The following TMEM231 variants were observed in gnomAD, a reference collection of about 807,000 sequenced individuals.
The protein encoded by TMEM231 is transmembrane protein 231.
Under a neutral mutation model 38.5 loss-of-function variants are expected in TMEM231, and 40 were observed. The observed-to-expected ratio is 1.04, with a 90% CI of 0.81 to 1.35. The LOEUF is 1.35. Among genes scored for constraint, TMEM231 ranks in the 40% most tolerant of loss-of-function variants. The pLI is 0.00. For synonymous variants in TMEM231, 199 were observed against 181.7 expected, an observed-to-expected ratio of 1.10 and a Z score of -0.77; for missense variants, 420 against 416.9, an observed-to-expected ratio of 1.01 and a Z score of -0.07.
chr16:75,542,829 G>C (rs997754655), intron 4 of TMEM231, 146 bp from the exon 5 acceptor site: 2 of 651,482 alleles, frequency 3.1e-6, no homozygotes, highest in Non-Finnish European at 5.2e-6. Flanking sequence ...TTTCTTCAAA[G>C]ATGAATAAAA....
Position 75,541,759 on chromosome 16 carries a change from G to A in TMEM231, c.665-304C>T, listed in dbSNP as rs376951075. On this transcript the variant is annotated intron_variant, in intron 5 of 6. Coordinates refer to ENST00000258173, the MANE Select transcript of TMEM231 (RefSeq NM_001077418.3). ...GTATCACAGCTTTGTAGCTGTGTGGGGAAGTATTTATATTCCAAGTTTAAA... is the reference window on the plus strand; with the variant it reads ...GTATCACAGCTTTGTAGCTGTGTGGAGAAGTATTTATATTCCAAGTTTAAA... 18 of 191,436 alleles carry A rather than the reference G, an allele frequency of 9.4e-5. 1 individual carries two copies. In the South Asian group the frequency reaches 3.3e-3, roughly 35 times the overall value. 11.9% of individuals were successfully genotyped at this position (191,436 alleles called of 1,614,324 possible). A position where few individuals can be genotyped will look rare whatever the true frequency, so the allele number is the denominator to read the frequency against.
At chr16:75,546,201 C>G (rs2080689138) in intron 2 of TMEM231, 1 of 1,095,646 alleles carries the variant, frequency 9.1e-7, no homozygotes, top group Non-Finnish European at 1.3e-6. Context: ...TGGGCAATAA[C>G]AAAAAACATC....
intron 5 of TMEM231, chr16:75,542,006 G>C (rs1015097047): frequency 2.0e-5 from 3 of 153,684 alleles, no homozygotes; most frequent in African/African-American, 7.2e-5. Flanking sequence ...CCCCTTGTGA[G>C]ACGTCTGTGT....
chr16:75,556,202 A>T lies in TMEM231; in HGVS notation c.8T>A (p.Leu3His), dbSNP rs753292136. Residue 3 changes from leucine to histidine, a missense_variant, in exon 1 of 7, where the codon CTC becomes CAC. Coordinates refer to ENST00000258173, the MANE Select transcript of TMEM231 (RefSeq NM_001077418.3). MA[L>H]YELFSHPVER... is the part of the protein sequence containing the mutation. ...GACCGGGTGAGAGAAGAGCTCATAG[A>T]GCGCCATGAGCACCGCTCGCAGGCA... 18 of 1,458,724 alleles carry T rather than the reference A, an allele frequency of 1.2e-5. No individual in the cohort carries two copies. In the Admixed American group the frequency reaches 1.8e-4, roughly 15 times the overall value. The allele number at this position is 1,458,724 out of a possible 1,614,324, so 90.4% of individuals were successfully genotyped here. A position where few individuals can be genotyped will look rare whatever the true frequency, so the allele number is the denominator to read the frequency against.
Position 75,545,819 on chromosome 16 carries a change from G to A in TMEM231, c.438+7C>T. 1.8e-6 allele frequency: 2 copies of A among 1,136,874 alleles called. No homozygotes were observed. The highest frequency in any genetic ancestry group is 5.3e-5 in the East Asian group (2 of 37,756). The allele number at this position is 1,136,874 out of a possible 1,614,324, so 70.4% of individuals were successfully genotyped here. A position where few individuals can be genotyped will look rare whatever the true frequency, so the allele number is the denominator to read the frequency against. ...GGAGAGGACAGCCTCCCAGCGGACT[G>A]ACTCACGTGTAATCGATAGGAGAAA... is the stretch of plus-strand genomic sequence containing the variant. On this transcript the variant is annotated splice_region_variant and intron_variant, in intron 3 of 6. Transcript: ENST00000258173.
At chr16:75,553,622 A>C (rs1228912760) in intron 2 of TMEM231, among the ~76,000 whole-genome samples, 4 of 69,998 alleles carry the variant, frequency 5.7e-5, no homozygotes, top group East Asian at 9.2e-4. Context: ...ACTCTGTTGC[A>C]AAAAAAAAAA....
At chr16:75,552,508 C>T (rs975340279) in intron 2 of TMEM231, among the ~76,000 whole-genome samples, 1 of 152,112 alleles carries the variant, frequency 6.6e-6, no homozygotes, top group Non-Finnish European at 1.5e-5. Flanking sequence ...AGCCATTGGT[C>T]TGGGCCCTTA....
In TMEM231 at chr16:75,537,497, T is replaced by TC. The variant is rs888283328; in HGVS notation, c.*2496_*2497insG. The TC allele has an allele frequency of 9.9e-5, 15 of 151,574 alleles. No individual in the cohort carries two copies. Among genetic ancestry groups the TC allele is most frequent in the Non-Finnish European group, 1.9e-4 (13 of 67,806 alleles). The allele number at this position is 151,574 out of a possible 1,614,324, so 9.4% of individuals were successfully genotyped here. Reference sequence around the variant, plus strand: ...AAAATCCTCTATATTTCTTTTTTTTTTTTTTTTTGAGACGGAGTCTAGCTC... The same window carrying TC: ...AAAATCCTCTATATTTCTTTTTTTTTCTTTTTTTTGAGACGGAGTCTAGCTC... On this transcript the variant is annotated 3_prime_UTR_variant, in exon 7 of 7. Transcript: ENST00000258173.
chr16:75,548,142 T>C (rs993859747), intron 2 of TMEM231, among the ~76,000 whole-genome samples: 3 of 152,206 alleles, frequency 2.0e-5, no homozygotes, highest in African/African-American at 7.2e-5. Flanking sequence ...CAGCAAGTAA[T>C]GGTGAAGACA....
intron 2 of TMEM231, among the ~76,000 whole-genome samples, chr16:75,547,117 G>GTTTTTCT (rs1403082805): frequency 1.3e-5 from 2 of 152,194 alleles, no homozygotes; most frequent in East Asian, 3.8e-4. Context: ...CTGCTGACAT[G>GTTTTTCT]GTCCCTCTGC....
In TMEM231 at chr16:75,556,164, G is replaced by C; in HGVS notation, c.46C>G (p.Arg16Gly). 6.5e-7 allele frequency: 1 copy of C among 1,547,046 alleles called. No individual in the cohort carries two copies. Among genetic ancestry groups the C allele is most frequent in the Non-Finnish European group, 8.7e-7 (1 of 1,149,882 alleles). The change falls in exon 1 of 7, where the codon CGC (arginine) becomes GGC (glycine). Residue 16 changes from arginine to glycine, a missense_variant. Transcript: ENST00000258173. ...GCGGCTTTGGAGCAGAGCCCCGCGC[G>C]GTAACTGCGCTCGACCGGGTGAGAG... Reference protein sequence around the residue: ...LFSHPVERSYRAGLCSKAALF... With the variant: ...LFSHPVERSYGAGLCSKAALF...
intron 6 of TMEM231, among the ~76,000 whole-genome samples, chr16:75,540,533 C>T (rs2080612137): frequency 6.6e-6 from 1 of 152,184 alleles, no homozygotes; most frequent in South Asian, 2.1e-4. Context: ...GTACGGAACA[C>T]AATTTAGCTG....
At chr16:75,550,494 T>C (rs751709793) in intron 2 of TMEM231, among the ~76,000 whole-genome samples, 1 of 152,168 alleles carries the variant, frequency 6.6e-6, no homozygotes, top group Non-Finnish European at 1.5e-5. Context: ...AGCAGGAACC[T>C]GGAAGCTGAG....
chr16:75,550,065 G>A (rs564036506), intron 2 of TMEM231, among the ~76,000 whole-genome samples: 1 of 152,158 alleles, frequency 6.6e-6, no homozygotes, highest in African/African-American at 2.4e-5. Context: ...GACTGAAGAC[G>A]TAAAAAGGGG....
At chr16:75,551,015 C>G (rs2080754776) in intron 2 of TMEM231, among the ~76,000 whole-genome samples, 1 of 152,146 alleles carries the variant, frequency 6.6e-6, no homozygotes, top group Admixed American at 6.5e-5. Context: ...CTGCGCCCGG[C>G]CCATATTCTT....
Position 75,539,923 on chromosome 16 carries a change from G to C in TMEM231, c.*71C>G, listed in dbSNP as rs146695973. On this transcript the variant is annotated 3_prime_UTR_variant, in exon 7 of 7. Coordinates refer to ENST00000258173, the MANE Select transcript of TMEM231 (RefSeq NM_001077418.3). ...AGGTGTCCGCTGGGCTCTTTCAAAAGGTCCTAAGATGTTCCCAGAAGATGA... is the reference window on the plus strand; with the variant it reads ...AGGTGTCCGCTGGGCTCTTTCAAAACGTCCTAAGATGTTCCCAGAAGATGA... 440 of 1,382,774 alleles carry C rather than the reference G, an allele frequency of 3.2e-4. No homozygotes were observed. In the African/African-American group the frequency reaches 5.7e-3, roughly 18 times the overall value. The allele number at this position is 1,382,774 out of a possible 1,614,324, so 85.7% of individuals were successfully genotyped here.
At position 75,540,043 on chromosome 16, in the gene TMEM231, G is replaced by A. The variant is rs1414698049; in HGVS notation, c.902C>T (p.Pro301Leu). ...GTCTCCCCGGGGCGTCACTGTCACA[G>A]GAATGGTGGTCACCACCTGATTCTG... is the stretch of plus-strand genomic sequence containing the variant. The part of the protein sequence containing the change: ...VFQNQVVTTI[P>L]VTVTPRGDLC... The change falls in exon 7 of 7, where the codon CCT (proline) becomes CTT (leucine). Residue 301 changes from proline to leucine, a missense_variant. Physicochemically the swap from Pro to Leu is moderately conservative, Grantham distance 98. Transcript: ENST00000258173. 1 of 1,613,702 alleles carries A rather than the reference G, an allele frequency of 6.2e-7. No homozygotes were observed. The highest frequency in any genetic ancestry group is 8.5e-7 in the Non-Finnish European group (1 of 1,179,704).
chr16:75,541,200 G>A, intron 6 of TMEM231, 150 bp downstream of exon 6: 1 of 247,980 alleles, frequency 4.0e-6, no homozygotes. Flanking sequence ...TTTTTTTTTT[G>A]GTAGAGACAG....
intron 2 of TMEM231, among the ~76,000 whole-genome samples, chr16:75,554,014 C>G (rs898445134): frequency 2.0e-5 from 3 of 152,194 alleles, no homozygotes; most frequent in Non-Finnish European, 4.4e-5. Flanking sequence ...CAATACCTTT[C>G]TCATTACCCC....
Sources: gnomAD v4.1 joint callset for allele counts (sites outside exome capture counted in the v4.1 genomes callset) on GRCh38, gnomAD v4.1.1 for gene constraint, MANE v1.5 for transcripts, NCBI Gene and HGNC (gene_info 2026-07-23, HGNC 2026-07-21) for gene names.